Variants in LONP2 observed in about 807,000 individuals in gnomAD.
LONP2 encodes lon protease homolog 2, peroxisomal.
A neutral mutation model predicts 85.6 loss-of-function variants in LONP2; 60 were observed. The ratio of observed to expected loss-of-function variants is 0.70; its 90% CI spans 0.57 to 0.87. LONP2 has a LOEUF of 0.87. LONP2 is among the 40% of genes least tolerant of loss of function. The probability of loss-of-function intolerance (pLI) is 0.00; values close to 1 mark genes in which losing one functional copy is unlikely to be tolerated. For missense variants in LONP2, 860 were observed against 1,063.5 expected (o/e 0.81, Z 2.66); for synonymous variants, 395 against 389.7 (o/e 1.01, Z -0.16).
intron 12 of LONP2, among the ~76,000 whole-genome samples, chr16:48,336,795 G>A (rs1243856971): frequency 6.6e-6 from 1 of 152,212 alleles, no homozygotes. Context: ...AGGCCATCTG[G>A]ATGTATACAT....
chr16:48,312,565 T>C (rs1169842045), intron 11 of LONP2, among the ~76,000 whole-genome samples: 2 of 152,148 alleles, frequency 1.3e-5, no homozygotes, highest in African/African-American at 2.4e-5. Flanking sequence ...ATAGCCTTGG[T>C]TATAAAGTAG....
intron 11 of LONP2, among the ~76,000 whole-genome samples, chr16:48,308,654 CAA>C (rs1188059184): frequency 2.7e-5 from 4 of 146,698 alleles, no homozygotes; most frequent in African/African-American, 1.0e-4. Flanking sequence ...AAAGTCAACT[CAA>C]GATAGATTAA....
intron 4 of LONP2, among the ~76,000 whole-genome samples, chr16:48,260,638 A>G (rs1040420878): frequency 2.0e-5 from 3 of 152,228 alleles, no homozygotes; most frequent in South Asian, 2.1e-4. Flanking sequence ...ATTAAATGCT[A>G]GTATATAATT....
intron 11 of LONP2, among the ~76,000 whole-genome samples, chr16:48,308,069 T>C (rs561064721): frequency 6.6e-6 from 1 of 152,272 alleles, no homozygotes; most frequent in African/African-American, 2.4e-5. Flanking sequence ...CATCTCCCAG[T>C]AGGTCCCTCC....
At chr16:48,269,476 C>T (rs771291204) in intron 6 of LONP2, among the ~76,000 whole-genome samples, 1 of 151,962 alleles carries the variant, frequency 6.6e-6, no homozygotes, top group Non-Finnish European at 1.5e-5. Flanking sequence ...GTGAAAAAAA[C>T]ATTTTACAAA....
chr16:48,330,267 A>G (rs1959396400), intron 11 of LONP2, among the ~76,000 whole-genome samples: 1 of 152,266 alleles, frequency 6.6e-6, no homozygotes, highest in Non-Finnish European at 1.5e-5. Flanking sequence ...AAAGAAAGGT[A>G]TATAAGAAGA....
At chr16:48,298,626 G>GGGGTGTGTGTGT (rs565121093) in intron 9 of LONP2, among the ~76,000 whole-genome samples, 222 of 134,388 alleles carry the variant, frequency 1.7e-3, no homozygotes, top group African/African-American at 2.6e-3. Context: ...ATTTAATTGA[G>GGGGTGTGTGTGT]GTGTGTGTGT....
chr16:48,354,672 TTC>T lies in LONP2; in HGVS notation c.*2872_*2873del, dbSNP rs2151038397. 6.6e-6 allele frequency: 1 copy of T among 152,216 alleles called. No homozygotes were observed. Among genetic ancestry groups the T allele is most frequent in the East Asian group, 1.9e-4 (1 of 5,192 alleles). The allele number at this position is 152,216 out of a possible 1,614,324, so 9.4% of individuals were successfully genotyped here. A position where few individuals can be genotyped will look rare whatever the true frequency, so the allele number is the denominator to read the frequency against. On this transcript the variant is annotated 3_prime_UTR_variant, in exon 15 of 15. Coordinates refer to ENST00000285737, the MANE Select transcript of LONP2 (RefSeq NM_031490.5). ...AAGAGTTGTCCTTTTGTGTTTAGCA[TTC>T]TTACTTAGCAAGCCATCAACTGCTC...
At chr16:48,342,849 T>C (rs539969161) in intron 12 of LONP2, among the ~76,000 whole-genome samples, 1 of 152,204 alleles carries the variant, frequency 6.6e-6, no homozygotes, top group Admixed American at 6.5e-5. Flanking sequence ...AAGAAACCAG[T>C]TGATGGTGTG....
intron 11 of LONP2, among the ~76,000 whole-genome samples, chr16:48,309,946 T>C (rs57251394): frequency 2.2e-4 from 34 of 152,284 alleles, no homozygotes; most frequent in African/African-American, 7.7e-4. Flanking sequence ...GTCTCTTTTC[T>C]TAGGCCTAGT....
intron 9 of LONP2, among the ~76,000 whole-genome samples, chr16:48,296,863 G>A (rs1004518834): frequency 1.3e-5 from 2 of 151,892 alleles, no homozygotes; most frequent in African/African-American, 4.8e-5. Flanking sequence ...TGTCACTGGA[G>A]CGTGCAAAAT....
intron 11 of LONP2, among the ~76,000 whole-genome samples, chr16:48,304,176 T>C (rs1177642061): frequency 6.6e-6 from 1 of 152,234 alleles, no homozygotes; most frequent in Non-Finnish European, 1.5e-5. Flanking sequence ...GTTAAGTCTT[T>C]AAATAATTTA....
At chr16:48,271,901 G>A (rs143648062) in intron 7 of LONP2, among the ~76,000 whole-genome samples, 2 of 152,212 alleles carry the variant, frequency 1.3e-5, no homozygotes, top group South Asian at 2.1e-4. Flanking sequence ...GTTTGCTTTC[G>A]TAAAGGAATT....
At chr16:48,335,403 C>T (rs1349856649) in intron 12 of LONP2, among the ~76,000 whole-genome samples, 1 of 152,194 alleles carries the variant, frequency 6.6e-6, no homozygotes, top group Non-Finnish European at 1.5e-5. Context: ...CTGTACCTCA[C>T]AGCAGAAGGC....
At chr16:48,261,345 C>A in intron 4 of LONP2, 79 bp from the exon 5 acceptor site, 1 of 1,026,554 alleles carries the variant, frequency 9.7e-7, no homozygotes, top group Non-Finnish European at 1.4e-6. Context: ...CAGCACCAGT[C>A]ATAATCTTAT....
At chr16:48,290,022 G>A (rs1277708653) in intron 8 of LONP2, among the ~76,000 whole-genome samples, 1 of 152,212 alleles carries the variant, frequency 6.6e-6, no homozygotes, top group African/African-American at 2.4e-5. Flanking sequence ...TATTGCACAG[G>A]AGGAGGAATC....
chr16:48,316,084 T>C (rs1317471728), intron 11 of LONP2, among the ~76,000 whole-genome samples: 3 of 151,890 alleles, frequency 2.0e-5, no homozygotes, highest in Non-Finnish European at 2.9e-5. Context: ...TTTGGCTTAC[T>C]GCAACCTTTG....
rs141474869 is a variant in LONP2, at chr16:48,245,944, C to T, written c.233+1323C>T. ...GTTGTGTTTTCAGTTTAGAGCTTCTCCTTTCCTGGCAGTTATCCCTTATTT... is the reference window on the plus strand; with the variant it reads ...GTTGTGTTTTCAGTTTAGAGCTTCTTCTTTCCTGGCAGTTATCCCTTATTT... On this transcript the variant is annotated intron_variant, in intron 1 of 14. Transcript: ENST00000285737. Among the ~76,000 whole-genome samples the T allele has an allele frequency of 6.8e-3, 1,035 of 152,228 alleles. 13 individuals carry two copies. The highest frequency in any genetic ancestry group is 0.024 in the African/African-American group (983 of 41,544).
In LONP2 at chr16:48,355,755, A is replaced by T. The variant is rs1567360095; in HGVS notation, c.*3953A>T. 6.6e-6 allele frequency: 1 copy of T among 152,110 alleles called. No individual in the cohort carries two copies. Among genetic ancestry groups the T allele is most frequent in the Non-Finnish European group, 1.5e-5 (1 of 68,024 alleles). The allele number at this position is 152,110 out of a possible 1,614,324, so 9.4% of individuals were successfully genotyped here. ...TCCCTAATGACTAGTGATGTTGAGC[A>T]TTTTCTAGCATTGATTTTTAAGATG... is the stretch of plus-strand genomic sequence containing the variant. On this transcript the variant is annotated 3_prime_UTR_variant, in exon 15 of 15. Coordinates refer to ENST00000285737, the MANE Select transcript of LONP2 (RefSeq NM_031490.5).
Sources: gnomAD v4.1 joint callset for allele counts (sites outside exome capture counted in the v4.1 genomes callset) on GRCh38, gnomAD v4.1.1 for gene constraint, MANE v1.5 for transcripts, NCBI Gene and HGNC (gene_info 2026-07-23, HGNC 2026-07-21) for gene names.